Variants in FOXP2 observed in about 807,000 individuals in gnomAD.
The protein encoded by FOXP2 is forkhead box P2, also known as forkhead box protein P2.
Under a neutral mutation model 115.8 loss-of-function variants are expected in FOXP2, and 12 were observed. The observed-to-expected ratio is 0.10, with a 90% CI of 0.07 to 0.17. The LOEUF (loss-of-function observed/expected upper bound fraction) is 0.17, where lower values mean the gene tolerates loss of function less well. FOXP2 is among the 10% of genes least tolerant of loss of function. FOXP2 has a pLI of 1.00. For synonymous variants in FOXP2, 328 were observed against 297.7 expected (o/e 1.10, Z -1.05); for missense variants, 629 against 843.5 (o/e 0.75, Z 3.15).
chr7:114,593,785 T>G (rs1185806280), intron 3 of FOXP2, among the ~76,000 whole-genome samples: 1 of 152,022 alleles, frequency 6.6e-6, no homozygotes, highest in East Asian at 1.9e-4. Flanking sequence ...AACTGTCAAA[T>G]GTACTAGGTT....
chr7:114,155,561 A>G (rs951696214), intron 1 of FOXP2, among the ~76,000 whole-genome samples: 1 of 152,146 alleles, frequency 6.6e-6, no homozygotes, highest in African/African-American at 2.4e-5. Context: ...CTTTTCCCTG[A>G]TGCAGGAGAG....
chr7:114,629,520 G>A, intron 4 of FOXP2: 4 of 1,290,858 alleles, frequency 3.1e-6, no homozygotes, highest in South Asian at 1.3e-5. Flanking sequence ...TAGGACTTCA[G>A]ATGTAATAAT....
chr7:114,578,398 G>A (rs1801679578), intron 3 of FOXP2, among the ~76,000 whole-genome samples: 1 of 151,734 alleles, frequency 6.6e-6, no homozygotes, highest in African/African-American at 2.4e-5. Flanking sequence ...GAGCTAAAAG[G>A]GGCCTTATAG....
chr7:114,171,289 C>T (rs999792092), intron 1 of FOXP2, among the ~76,000 whole-genome samples: 20 of 152,096 alleles, frequency 1.3e-4, no homozygotes, highest in African/African-American at 4.6e-4. Flanking sequence ...AATAATGTAC[C>T]TGGGCCAGGT....
chr7:114,671,539 G>C (rs1195200467), intron 16 of FOXP2, among the ~76,000 whole-genome samples: 1 of 152,142 alleles, frequency 6.6e-6, no homozygotes, highest in Non-Finnish European at 1.5e-5. Flanking sequence ...AAGGTACTTT[G>C]TTAGAACATA....
intron 1 of FOXP2, among the ~76,000 whole-genome samples, chr7:114,179,132 A>C (rs1396903654): frequency 6.6e-6 from 1 of 151,936 alleles, no homozygotes; most frequent in Non-Finnish European, 1.5e-5. Flanking sequence ...TTAGTTGGTC[A>C]GTTGTAAAAT....
chr7:114,169,119 G>A (rs1157911756), intron 1 of FOXP2, among the ~76,000 whole-genome samples: 2 of 151,590 alleles, frequency 1.3e-5, no homozygotes, highest in East Asian at 3.9e-4. Flanking sequence ...AGGGAAATGT[G>A]GGGTCAGAGC....
At chr7:114,133,494 A>G (rs1018133942) in intron 1 of FOXP2, among the ~76,000 whole-genome samples, 22 of 152,260 alleles carry the variant, frequency 1.4e-4, no homozygotes, top group African/African-American at 5.3e-4. Flanking sequence ...AGAAAGAAAC[A>G]GTCCAAGGAC....
At chr7:114,295,857 C>T (rs1796731321) in intron 2 of FOXP2, among the ~76,000 whole-genome samples, 1 of 152,194 alleles carries the variant, frequency 6.6e-6, no homozygotes, top group Non-Finnish European at 1.5e-5. Context: ...AACTTTTTAG[C>T]TGCAGCTCAC....
upstream of FOXP2, among the ~76,000 whole-genome samples, chr7:114,411,611 CGATTT>C (rs748111214): frequency 2.6e-5 from 4 of 151,928 alleles, no homozygotes; most frequent in Non-Finnish European, 5.9e-5. Flanking sequence ...TAAATGCCAC[CGATTT>C]AGTTTAGATT....
chr7:114,377,033 T>C (rs1268387583), intron 2 of FOXP2, among the ~76,000 whole-genome samples: 1 of 152,178 alleles, frequency 6.6e-6, no homozygotes, highest in Non-Finnish European at 1.5e-5. Flanking sequence ...ATGTCAGACA[T>C]ATATTAAGCT....
chr7:114,346,519 T>G (rs1791353259), intron 2 of FOXP2, among the ~76,000 whole-genome samples: 1 of 151,784 alleles, frequency 6.6e-6, no homozygotes, highest in Non-Finnish European at 1.5e-5. Flanking sequence ...GAATACGGAA[T>G]CAAACTAAGT....
At chr7:114,119,638 G>C (rs1249489752) in intron 1 of FOXP2, among the ~76,000 whole-genome samples, 6 of 152,132 alleles carry the variant, frequency 3.9e-5, no homozygotes, top group Admixed American at 3.9e-4. Context: ...TTGAGCCCAA[G>C]AGGTTGAAGC....
chr7:114,254,900 T>C (rs938162803), intron 1 of FOXP2, among the ~76,000 whole-genome samples: 1 of 152,226 alleles, frequency 6.6e-6, no homozygotes, highest in African/African-American at 2.4e-5. Flanking sequence ...TTTTCTGCTC[T>C]GTTTTTCCCC....
At chr7:114,456,840 C>A (rs2129222266) in intron 2 of FOXP2, among the ~76,000 whole-genome samples, 1 of 151,928 alleles carries the variant, frequency 6.6e-6, no homozygotes. Context: ...TATTATTCAG[C>A]CTTAAAAAGA....
intron 2 of FOXP2, among the ~76,000 whole-genome samples, chr7:114,511,913 A>G (rs1322546389): frequency 2.6e-5 from 4 of 152,160 alleles, no homozygotes; most frequent in Admixed American, 6.6e-5. Flanking sequence ...TTTCAGTAAT[A>G]TGGCTTAAAA....
intron 2 of FOXP2, among the ~76,000 whole-genome samples, chr7:114,325,317 A>G (rs1288444833): frequency 1.3e-5 from 2 of 152,036 alleles, no homozygotes; most frequent in Non-Finnish European, 2.9e-5. Flanking sequence ...AATTCCATAT[A>G]GTCTTCCATT....
In FOXP2 at chr7:114,693,161, T is replaced by C. The variant is rs886061934; in HGVS notation, c.*3235T>C. ...GTACTATTTGAAAATCAATTAAAATTTTATGTGAATGTTACAAGTATTTGG... is the reference window on the plus strand; with the variant it reads ...GTACTATTTGAAAATCAATTAAAATCTTATGTGAATGTTACAAGTATTTGG... On this transcript the variant is annotated 3_prime_UTR_variant, in exon 17 of 17. Coordinates refer to ENST00000350908, the MANE Select transcript of FOXP2 (RefSeq NM_014491.4). 5 of 453,764 alleles carry C rather than the reference T, an allele frequency of 1.1e-5. No homozygotes were observed. Among genetic ancestry groups the C allele is most frequent in the Non-Finnish European group, 2.2e-5 (5 of 226,610 alleles). 28.1% of individuals were successfully genotyped at this position (453,764 alleles called of 1,614,324 possible). A position where few individuals can be genotyped will look rare whatever the true frequency, so the allele number is the denominator to read the frequency against.
At chr7:114,089,760 T>C (rs1039732336) in intron 1 of FOXP2, among the ~76,000 whole-genome samples, 1 of 152,024 alleles carries the variant, frequency 6.6e-6, no homozygotes, top group Non-Finnish European at 1.5e-5. Context: ...GAACATTATA[T>C]GTACAGGTAA....
Sources: gnomAD v4.1 joint callset for allele counts (sites outside exome capture counted in the v4.1 genomes callset) on GRCh38, gnomAD v4.1.1 for gene constraint, MANE v1.5 for transcripts, NCBI Gene and HGNC (gene_info 2026-07-23, HGNC 2026-07-21) for gene names.